NRCAM: variants seen among roughly 807,000 people sequenced by gnomAD.
NRCAM encodes the protein NgCAM-related cell adhesion molecule.
A neutral mutation model predicts 156.5 loss-of-function variants in NRCAM; 83 were observed. The ratio of observed to expected loss-of-function variants is 0.53; its 90% CI spans 0.44 to 0.64. The LOEUF (loss-of-function observed/expected upper bound fraction) is 0.64, where lower values mean the gene tolerates loss of function less well. NRCAM is among the 30% of genes least tolerant of loss of function. The probability of loss-of-function intolerance (pLI) is 0.00; values close to 1 mark genes in which losing one functional copy is unlikely to be tolerated. For missense variants in NRCAM, 1,417 were observed against 1,597.3 expected (o/e 0.89, Z 1.92); for synonymous variants, 538 against 563.9 (o/e 0.95, Z 0.65).
At chr7:108,422,822 T>C (rs1044202370) in intron 1 of NRCAM, among the ~76,000 whole-genome samples, 6 of 152,250 alleles carry the variant, frequency 3.9e-5, no homozygotes, top group Non-Finnish European at 8.8e-5. Context: ...GATGGTCCAA[T>C]GAGGAGCAAT....
intron 32 of NRCAM, among the ~76,000 whole-genome samples, chr7:108,158,725 A>G: frequency 6.6e-6 from 1 of 152,332 alleles, no homozygotes. Context: ...TTAGAATAAC[A>G]GAATGCCCAC....
chr7:108,181,124 T>TA (rs2063230770), intron 24 of NRCAM, among the ~76,000 whole-genome samples: 1 of 152,126 alleles, frequency 6.6e-6, no homozygotes, highest in Admixed American at 6.5e-5. Context: ...TAAGTCTTCT[T>TA]AAATTCTTAT....
intron 1 of NRCAM, among the ~76,000 whole-genome samples, chr7:108,432,466 A>C (rs1433756195): frequency 6.6e-6 from 1 of 152,240 alleles, no homozygotes; most frequent in East Asian, 1.9e-4. Context: ...GGAACAATGG[A>C]GGATTCTCAA....
chr7:108,333,967 T>C (rs2099153162), intron 2 of NRCAM, among the ~76,000 whole-genome samples: 1 of 152,166 alleles, frequency 6.6e-6, no homozygotes, highest in South Asian at 2.1e-4. Context: ...TGTCCGTAAT[T>C]TCAACAAAGT....
chr7:108,234,712 G>A lies in NRCAM; in HGVS notation c.125-24C>T, dbSNP rs111359586. ...CACTTAATTGTAGAAAAAAAAAAAT[G>A]TAAAAAAACAAATTATTTAAAATCA... On this transcript the variant is annotated intron_variant, in intron 5 of 32. Transcript: ENST00000379028. The A allele has an allele frequency of 2.5e-3, 3,605 of 1,457,130 alleles. 70 individuals carry two copies. In the African/African-American group the frequency reaches 0.041, roughly 17 times the overall value. The allele number at this position is 1,457,130 out of a possible 1,614,324, so 90.3% of individuals were successfully genotyped here.
rs761927582 is a variant in NRCAM, at chr7:108,149,769, T to G, written c.*141A>C. ...CATATCATTTGACTGAGTTATGTTT[T>G]TGCTGTAACTATTCTCATAATACTA... is the stretch of plus-strand genomic sequence containing the variant. On this transcript the variant is annotated 3_prime_UTR_variant, in exon 33 of 33. Coordinates refer to ENST00000379028, the MANE Select transcript of NRCAM (RefSeq NM_001037132.4). The G allele has an allele frequency of 5.7e-6, 4 of 698,792 alleles. No individual in the cohort carries two copies. Among genetic ancestry groups the G allele is most frequent in the Non-Finnish European group, 9.8e-6 (4 of 407,638 alleles). 43.3% of individuals were successfully genotyped at this position (698,792 alleles called of 1,614,324 possible). A position where few individuals can be genotyped will look rare whatever the true frequency, so the allele number is the denominator to read the frequency against.
intron 2 of NRCAM, among the ~76,000 whole-genome samples, chr7:108,383,453 T>C (rs1339271092): frequency 1.3e-5 from 2 of 152,170 alleles, no homozygotes; most frequent in Admixed American, 1.3e-4. Context: ...GATACTTCCA[T>C]TTCAGGGATG....
intron 11 of NRCAM, among the ~76,000 whole-genome samples, chr7:108,213,821 GT>G (rs2086163612): frequency 6.6e-6 from 1 of 152,102 alleles, no homozygotes; most frequent in Admixed American, 6.5e-5. Context: ...GTTGAATTTT[GT>G]CGAAGGCCTT....
At chr7:108,204,503 T>C (rs2079971736) in intron 13 of NRCAM, among the ~76,000 whole-genome samples, 1 of 152,238 alleles carries the variant, frequency 6.6e-6, no homozygotes, top group Admixed American at 6.5e-5. Context: ...ACTTTCAGCT[T>C]GGCCACCAGA....
intron 2 of NRCAM, among the ~76,000 whole-genome samples, chr7:108,320,783 A>G (rs1177549382): frequency 6.6e-6 from 1 of 152,246 alleles, no homozygotes; most frequent in Non-Finnish European, 1.5e-5. Context: ...TTATCAATGT[A>G]ATATATACTG....
At chr7:108,241,267 C>G (rs2095507326) in intron 3 of NRCAM, among the ~76,000 whole-genome samples, 1 of 152,182 alleles carries the variant, frequency 6.6e-6, no homozygotes, top group African/African-American at 2.4e-5. Context: ...TAGCCCTCTC[C>G]CAACACCTAA....
intron 11 of NRCAM, among the ~76,000 whole-genome samples, chr7:108,219,282 G>A (rs560437538): frequency 4.3e-4 from 65 of 152,194 alleles, no homozygotes; most frequent in African/African-American, 1.5e-3. Flanking sequence ...GACATTCAAA[G>A]AAGAATTGGT....
chr7:108,219,055 A>T (rs1000336027), intron 11 of NRCAM, among the ~76,000 whole-genome samples: 1 of 152,264 alleles, frequency 6.6e-6, no homozygotes, highest in Middle Eastern at 3.4e-3. Flanking sequence ...AAAATACAAA[A>T]GCTCACTCAA....
At chr7:108,338,587 GGAGAGACAGAGA>G (rs1409181948) in intron 2 of NRCAM, among the ~76,000 whole-genome samples, 3 of 151,772 alleles carry the variant, frequency 2.0e-5, no homozygotes, top group Admixed American at 1.3e-4. Context: ...ACAGAGAGAG[GGAGAGACAGAGA>G]GAGAGACAGA....
rs902294996 is a variant in NRCAM at position 108,194,081 on chromosome 7, G to T, written c.1721C>A (p.Thr574Asn). 6.2e-7 allele frequency: 1 copy of T among 1,614,126 alleles called. No individual in the cohort carries two copies. The highest frequency in any genetic ancestry group is 8.5e-7 in the Non-Finnish European group (1 of 1,179,966). Residue 574 changes from threonine to asparagine, a missense_variant, in exon 17 of 33, where the codon ACC becomes AAC. This residue lies in a region of NRCAM where 1,238 missense variants were observed against 1,336.4 expected (regional missense o/e 0.93). Coordinates refer to ENST00000379028, the MANE Select transcript of NRCAM (RefSeq NM_001037132.4). ...SFECKVKHDH[T>N]LSLTVLWLKD... ...CAGCCACAGGACAGTGAGGGATAAG[G>T]TGTGATCATGTTTCACTTTGCATTC... is the stretch of plus-strand genomic sequence containing the variant.
intron 1 of NRCAM, among the ~76,000 whole-genome samples, chr7:108,431,849 A>G (rs1825665626): frequency 6.6e-6 from 1 of 152,238 alleles, no homozygotes; most frequent in South Asian, 2.1e-4. Flanking sequence ...ACAAGGCATT[A>G]TTTCCAAAAG....
intron 4 of NRCAM, among the ~76,000 whole-genome samples, chr7:108,238,093 T>C (rs1589517705): frequency 6.6e-6 from 1 of 152,190 alleles, no homozygotes; most frequent in East Asian, 1.9e-4. Flanking sequence ...AGTAATTATG[T>C]TCAATTTGAA....
Position 108,292,820 on chromosome 7 carries a change from CTGT to C in NRCAM, c.-107+19842_-107+19844del, listed in dbSNP as rs1361788290. Among the ~76,000 whole-genome samples, 4 of 152,098 alleles carry C rather than the reference CTGT, an allele frequency of 2.6e-5. No individual in the cohort carries two copies. The South Asian group carries it at 6.2e-4, about 24-fold the overall frequency. On this transcript the variant is annotated intron_variant, in intron 3 of 32. Transcript: ENST00000379028. ...AGAGAAAGCATTAGGAAAAAATTAGCTGTTGTTATTTTAACTGGCGTAAAACAG... is the reference window on the plus strand; with the variant it reads ...AGAGAAAGCATTAGGAAAAAATTAGCTGTTATTTTAACTGGCGTAAAACAG...
intron 2 of NRCAM, among the ~76,000 whole-genome samples, chr7:108,380,097 G>T (rs573400031): frequency 8.0e-4 from 121 of 152,156 alleles, no homozygotes; most frequent in Admixed American, 1.4e-3. Flanking sequence ...GTTTACAGCA[G>T]TATCTCCTGT....
Sources: allele counts gnomAD v4.1 joint callset (sites outside exome capture counted in the v4.1 genomes callset), GRCh38; gene constraint gnomAD v4.1.1; regional missense constraint gnomAD v4.1.1; transcripts MANE v1.5; gene names NCBI Gene and HGNC (gene_info 2026-07-23, HGNC 2026-07-21).